Variants in PLPP1 observed in about 807,000 individuals in gnomAD.
PLPP1 encodes lipid phosphate phosphohydrolase 1a.
PLPP1 carries 24 observed loss-of-function variants against 31.2 expected under a neutral mutation model. The observed-to-expected ratio is 0.77, with a 90% CI of 0.56 to 1.08. The LOEUF (loss-of-function observed/expected upper bound fraction) is 1.08. Ranked by LOEUF, PLPP1 falls within the 50% of genes least tolerant of loss-of-function variation. The probability of loss-of-function intolerance (pLI) is 0.00; values close to 1 mark genes in which losing one functional copy is unlikely to be tolerated. For synonymous variants in PLPP1, 146 were observed against 126.3 expected (o/e 1.16, Z -1.05); for missense variants, 319 against 342.7 (o/e 0.93, Z 0.55).
chr5:55,491,427 A>C (rs191293336), intron 1 of PLPP1, among the ~76,000 whole-genome samples: 95 of 152,244 alleles, frequency 6.2e-4, no homozygotes, highest in East Asian at 1.3e-3. Flanking sequence ...AGAAAACAGG[A>C]AGGTTTTCCA....
intron 2 of PLPP1, among the ~76,000 whole-genome samples, chr5:55,471,774 G>A (rs760129035): frequency 6.6e-6 from 1 of 152,024 alleles, no homozygotes; most frequent in Non-Finnish European, 1.5e-5. Context: ...AAGTCTAACC[G>A]AGCATTGCCT....
chr5:55,521,410 G>A (rs959137240), intron 1 of PLPP1, among the ~76,000 whole-genome samples: 9 of 150,876 alleles, frequency 6.0e-5, no homozygotes, highest in East Asian at 1.9e-4. Flanking sequence ...CTTGCCACTC[G>A]TGGAGGCTGA....
chr5:55,490,621 C>T (rs1451920514), intron 1 of PLPP1, among the ~76,000 whole-genome samples: 1 of 152,046 alleles, frequency 6.6e-6, no homozygotes, highest in Admixed American at 6.6e-5. Flanking sequence ...TCAGCTCTGC[C>T]GTACGATAGC....
At chr5:55,467,072 G>A (rs1400364114) in intron 3 of PLPP1, among the ~76,000 whole-genome samples, 1 of 152,116 alleles carries the variant, frequency 6.6e-6, no homozygotes, top group African/African-American at 2.4e-5. Context: ...CCAGCATGCA[G>A]AAAGGAGCCC....
At chr5:55,504,237 C>A (rs1274321269) in intron 1 of PLPP1, among the ~76,000 whole-genome samples, 1 of 151,356 alleles carries the variant, frequency 6.6e-6, no homozygotes, top group Non-Finnish European at 1.5e-5. Context: ...GGTGTGGTAC[C>A]AGGTGCCTGT....
At chr5:55,445,123 AGAGCTGATTAAACTTG>A (rs1751731341) in intron 3 of PLPP1, among the ~76,000 whole-genome samples, 3 of 152,128 alleles carry the variant, frequency 2.0e-5, no homozygotes, top group Admixed American at 2.0e-4. Context: ...CCCCCTTCTC[AGAGCTGATTAAACTTG>A]GCCTGATCCC....
At chr5:55,530,424 T>G in intron 1 of PLPP1, 1 of 1,261,406 alleles carries the variant, frequency 7.9e-7, no homozygotes, top group Non-Finnish European at 1.2e-6. Flanking sequence ...GGGACACTTA[T>G]AAGTAGGATG....
At chr5:55,507,025 T>C (rs1046000644) in intron 1 of PLPP1, among the ~76,000 whole-genome samples, 1 of 152,202 alleles carries the variant, frequency 6.6e-6, no homozygotes, top group African/African-American at 2.4e-5. Context: ...GCAAATTCTT[T>C]CCAGAATCAC....
At chr5:55,428,855 T>TAAG (rs1751273484) in intron 4 of PLPP1, among the ~76,000 whole-genome samples, 1 of 152,162 alleles carries the variant, frequency 6.6e-6, no homozygotes, top group South Asian at 2.1e-4. Context: ...ACTTCTCTTT[T>TAAG]AAGAGTAGGA....
intron 3 of PLPP1, among the ~76,000 whole-genome samples, chr5:55,462,702 A>G (rs190863126): frequency 9.2e-5 from 14 of 152,306 alleles, no homozygotes; most frequent in East Asian, 1.9e-4. Context: ...AGCTGGGCGC[A>G]GTGGCTCACA....
At chr5:55,476,539 G>A (rs1395284703) in intron 1 of PLPP1, among the ~76,000 whole-genome samples, 4 of 152,114 alleles carry the variant, frequency 2.6e-5, no homozygotes, top group Non-Finnish European at 4.4e-5. Context: ...GACTAGTACT[G>A]TGTTGTAAGA....
intron 1 of PLPP1, among the ~76,000 whole-genome samples, chr5:55,516,716 T>C (rs969797740): frequency 6.6e-6 from 1 of 152,220 alleles, no homozygotes; most frequent in Non-Finnish European, 1.5e-5. Flanking sequence ...ACTCAAACTT[T>C]ATGTATCCCA....
At chr5:55,438,370 CACTGGCTGCCAGAGAAGA>C (rs1751543925) in intron 4 of PLPP1, among the ~76,000 whole-genome samples, 1 of 152,160 alleles carries the variant, frequency 6.6e-6, no homozygotes, top group African/African-American at 2.4e-5. Context: ...TGCAGGGCTG[CACTGGCTGCCAGAGAAGA>C]ACAATGGTCA....
intron 3 of PLPP1, among the ~76,000 whole-genome samples, chr5:55,443,192 A>AAAAAAAAAAAATAT: frequency 1.6e-4 from 4 of 25,436 alleles, no homozygotes; most frequent in African/African-American, 4.3e-4. Context: ...AAAAAAAAAA[A>AAAAAAAAAAAATAT]ATATATATAT....
At position 55,425,321 on chromosome 5, in the gene PLPP1, GATAC is replaced by G; in HGVS notation, c.736_739del (p.Val246ArgfsTer93). 1 of 1,603,286 alleles carries G rather than the reference GATAC, an allele frequency of 6.2e-7. No homozygotes were observed. Among genetic ancestry groups the G allele is most frequent in the Non-Finnish European group, 8.5e-7 (1 of 1,170,928 alleles). On this transcript the variant is annotated frameshift_variant, in exon 6 of 6. Transcript: ENST00000307259. LOFTEE classifies it high-confidence loss of function. ...AGAAGTTCTTTCTTTGAAGAAATCC[GATAC>G]ATATACAGCCTACAGTGCAAAATAT...
At chr5:55,473,029 CTGTT>C (rs1386073602) in intron 2 of PLPP1, among the ~76,000 whole-genome samples, 1 of 152,132 alleles carries the variant, frequency 6.6e-6, no homozygotes, top group Admixed American at 6.6e-5. Flanking sequence ...ATTTCTAGCA[CTGTT>C]TATTTGAATA....
intron 1 of PLPP1, among the ~76,000 whole-genome samples, chr5:55,523,457 C>G (rs1364461454): frequency 6.6e-6 from 1 of 152,104 alleles, no homozygotes; most frequent in Non-Finnish European, 1.5e-5. Context: ...CTTCCCAATT[C>G]CTGACTATAC....
intron 2 of PLPP1, among the ~76,000 whole-genome samples, chr5:55,471,384 T>C (rs1752412005): frequency 6.6e-6 from 1 of 152,096 alleles, no homozygotes; most frequent in African/African-American, 2.4e-5. Context: ...GTATTTTTAG[T>C]AGAGAAGGAG....
chr5:55,528,776 T>A (rs1335094170), intron 1 of PLPP1, among the ~76,000 whole-genome samples: 2 of 152,316 alleles, frequency 1.3e-5, no homozygotes, highest in South Asian at 2.1e-4. Context: ...AGCAAACTAC[T>A]GAGATTCTCT....
Sources: allele counts gnomAD v4.1 joint callset (sites outside exome capture counted in the v4.1 genomes callset), GRCh38; gene constraint gnomAD v4.1.1; transcripts MANE v1.5; gene names NCBI Gene and HGNC (gene_info 2026-07-23, HGNC 2026-07-21).